UACA: variants seen among roughly 807,000 people sequenced by gnomAD.
UACA encodes uveal autoantigen with coiled-coil domains and ankyrin repeats.
UACA carries 112 observed loss-of-function variants against 160.5 expected under a neutral mutation model. The ratio of observed to expected loss-of-function variants is 0.70; its 90% CI spans 0.60 to 0.82. The LOEUF is 0.82. UACA is among the 40% of genes least tolerant of loss of function. The probability of loss-of-function intolerance (pLI) is 0.00; values close to 1 mark genes in which losing one functional copy is unlikely to be tolerated. For synonymous variants in UACA, 557 were observed against 568.4 expected (o/e 0.98, Z 0.29); for missense variants, 1,574 against 1,614.6 (o/e 0.97, Z 0.43).
At chr15:70,749,877 AT>A (rs1169300727) in intron 1 of UACA, among the ~76,000 whole-genome samples, 67 of 152,310 alleles carry the variant, frequency 4.4e-4, no homozygotes, top group African/African-American at 1.5e-3. Context: ...TTCAAAAAAA[AT>A]AAAATAAAAA....
the UACA span, among the ~76,000 whole-genome samples, chr15:70,776,182 C>T: frequency 6.6e-6 from 1 of 151,902 alleles, no homozygotes; most frequent in African/African-American, 2.4e-5. Flanking sequence ...AGATAAATAT[C>T]TCAAAAAATA....
In UACA at chr15:70,739,049, A is replaced by G. The variant is rs369236021; in HGVS notation, c.78+24281T>C. Among the ~76,000 whole-genome samples, 26 of 152,344 alleles carry G rather than the reference A, an allele frequency of 1.7e-4. No individual in the cohort carries two copies. In the East Asian group the frequency reaches 2.5e-3, roughly 15 times the overall value. On this transcript the variant is annotated intron_variant, in intron 1 of 18. Coordinates refer to ENST00000322954, the MANE Select transcript of UACA (RefSeq NM_018003.4). ...AAAGCAAGTCATGAATCCAACCCAT[A>G]TTCAAGAGGTAGGGAAACAAAGTCA...
intron 1 of UACA, among the ~76,000 whole-genome samples, chr15:70,739,266 A>C (rs1355251793): frequency 1.3e-5 from 2 of 152,130 alleles, no homozygotes; most frequent in Non-Finnish European, 2.9e-5. Flanking sequence ...CACTACTGAC[A>C]TTTTGGGCCA....
At chr15:70,758,238 T>C (rs1455446098) in intron 1 of UACA, 1 of 152,198 alleles carries the variant, frequency 6.6e-6, no homozygotes, top group Non-Finnish European at 1.5e-5. Context: ...CTGAATAAAC[T>C]TGCTGCAGGG....
At chr15:70,766,363 A>T (rs1013206203), upstream of UACA, among the ~76,000 whole-genome samples, 1 of 152,166 alleles carries the variant, frequency 6.6e-6, no homozygotes, top group Non-Finnish European at 1.5e-5. Flanking sequence ...TTCCCTTCAG[A>T]GCAAAGGGCA....
At position 70,657,107 on chromosome 15, in the gene UACA, A is replaced by G; in HGVS notation, c.4200T>C (p.Val1400=). ...SAAQGHMDED[V]QEALLQIIQM... ...GTATGATCTGGAGCAGAGCCTCCTG[A>G]ACATCTTCATCCATGTGACCCTTCG... The change falls in exon 19 of 19, where the codon GTT becomes GTC. Residue 1400 remains valine, a synonymous_variant. Coordinates refer to ENST00000322954, the MANE Select transcript of UACA (RefSeq NM_018003.4). The G allele has an allele frequency of 6.2e-7, 1 of 1,614,174 alleles. No homozygotes were observed. The highest frequency in any genetic ancestry group is 8.5e-7 in the Non-Finnish European group (1 of 1,180,000).
chr15:70,741,799 T>G (rs1360772425), intron 1 of UACA, among the ~76,000 whole-genome samples: 1 of 152,202 alleles, frequency 6.6e-6, no homozygotes, highest in Non-Finnish European at 1.5e-5. Context: ...CCTTCACTAC[T>G]TTTGGTCCTC....
intron 10 of UACA, among the ~76,000 whole-genome samples, chr15:70,679,263 C>A (rs973365172): frequency 2.0e-5 from 3 of 151,802 alleles, no homozygotes; most frequent in Admixed American, 2.0e-4. Flanking sequence ...ATTAGCCAGG[C>A]ATGGTGGCAC....
chr15:70,767,884 A>G (rs2031054896), upstream of UACA: 1 of 152,218 alleles, frequency 6.6e-6, no homozygotes, highest in Non-Finnish European at 1.5e-5. Flanking sequence ...ACTTCTACCC[A>G]GAAATCATAG....
chr15:70,683,372 G>A (rs2140935368), intron 8 of UACA, among the ~76,000 whole-genome samples: 1 of 151,872 alleles, frequency 6.6e-6, no homozygotes, highest in East Asian at 1.9e-4. Flanking sequence ...AAAAAAAGAG[G>A]GGAAGAAAAT....
chr15:70,739,071 G>C (rs771035827), intron 1 of UACA, among the ~76,000 whole-genome samples: 2 of 152,172 alleles, frequency 1.3e-5, no homozygotes, highest in Non-Finnish European at 1.5e-5. Flanking sequence ...GGGAAACAAA[G>C]TCACATTGCA....
At chr15:70,691,784 G>A (rs1483077426) in intron 3 of UACA, among the ~76,000 whole-genome samples, 1 of 152,144 alleles carries the variant, frequency 6.6e-6, no homozygotes, top group Admixed American at 6.6e-5. Flanking sequence ...ACTGAAAATT[G>A]AGAAAGTTAA....
At chr15:70,739,090 G>A (rs778884602) in intron 1 of UACA, among the ~76,000 whole-genome samples, 34 of 152,288 alleles carry the variant, frequency 2.2e-4, no homozygotes, top group South Asian at 1.7e-3. Flanking sequence ...CAAAGACTAT[G>A]GATCCAGGCA....
At chr15:70,673,720 G>C (rs534319465) in intron 13 of UACA, among the ~76,000 whole-genome samples, 3 of 152,196 alleles carry the variant, frequency 2.0e-5, no homozygotes, top group African/African-American at 4.8e-5. Context: ...ATACATACAA[G>C]GGAAATAGCT....
At chr15:70,775,844 G>A in the UACA span, among the ~76,000 whole-genome samples, 4 of 152,200 alleles carry the variant, frequency 2.6e-5, no homozygotes, top group Non-Finnish European at 4.4e-5. Context: ...AAGTGACTGA[G>A]TTTTGTGTAT....
chr15:70,701,822 G>T, intron 1 of UACA: 1 of 1,513,762 alleles, frequency 6.6e-7, no homozygotes. Context: ...AAAGAACACA[G>T]TTCAGAAAGT....
chr15:70,675,144 T>C (rs1386870847), intron 13 of UACA, among the ~76,000 whole-genome samples: 1 of 152,194 alleles, frequency 6.6e-6, no homozygotes, highest in Non-Finnish European at 1.5e-5. Flanking sequence ...AACCTCTCTG[T>C]GCCTCAACCT....
At chr15:70,735,308 C>T (rs1899332105) in intron 1 of UACA, among the ~76,000 whole-genome samples, 1 of 151,582 alleles carries the variant, frequency 6.6e-6, no homozygotes, top group South Asian at 2.1e-4. Context: ...ACAATACACC[C>T]AAGTAACAAA....
intron 1 of UACA, among the ~76,000 whole-genome samples, chr15:70,729,243 C>A (rs185117449): frequency 1.3e-5 from 2 of 152,246 alleles, no homozygotes; most frequent in East Asian, 3.9e-4. Context: ...CTTGTATGTT[C>A]ACTGCAGCAC....
Sources: allele counts gnomAD v4.1 joint callset (sites outside exome capture counted in the v4.1 genomes callset), GRCh38; gene constraint gnomAD v4.1.1; transcripts MANE v1.5; gene names NCBI Gene and HGNC (gene_info 2026-07-23, HGNC 2026-07-21).